SORCS2: variants seen among roughly 807,000 people sequenced by gnomAD.
The protein encoded by SORCS2 is sortilin related VPS10 domain containing receptor 2.
In SORCS2, 100 loss-of-function variants were observed where a neutral mutation model predicts 141.6. The ratio of observed to expected loss-of-function variants is 0.71; its 90% confidence interval spans 0.60 to 0.83. The LOEUF (loss-of-function observed/expected upper bound fraction) is 0.83. SORCS2 is among the 40% of genes least tolerant of loss of function. The probability of loss-of-function intolerance (pLI) is 0.00; values close to 1 mark genes in which losing one functional copy is unlikely to be tolerated. For missense variants in SORCS2, 1,646 were observed against 1,560.2 expected, an observed-to-expected ratio of 1.05 and a Z score of -0.93; for synonymous variants, 789 against 676.9, an observed-to-expected ratio of 1.17 and a Z score of -2.57.
intron 3 of SORCS2, among the ~76,000 whole-genome samples, chr4:7,544,001 C>CATCT (rs1713036240): frequency 2.7e-5 from 4 of 149,392 alleles, no homozygotes; most frequent in African/African-American, 1.0e-4. Context: ...TCCACTCATC[C>CATCT]ATCCATCCAT....
At chr4:7,455,637 C>T (rs1437972817) in intron 2 of SORCS2, among the ~76,000 whole-genome samples, 31 of 82,366 alleles carry the variant, frequency 3.8e-4, no homozygotes, top group Admixed American at 5.4e-4. Context: ...GGTCAGGCGC[C>T]GTGTTGGGGT....
At chr4:7,308,192 C>T (rs577656736) in intron 1 of SORCS2, among the ~76,000 whole-genome samples, 1 of 152,140 alleles carries the variant, frequency 6.6e-6, no homozygotes, top group Non-Finnish European at 1.5e-5. Context: ...CAGGCCGAGT[C>T]CCTGCGTGAA....
chr4:7,650,442 A>G (rs1721362198), intron 4 of SORCS2, among the ~76,000 whole-genome samples: 1 of 152,210 alleles, frequency 6.6e-6, no homozygotes, highest in African/African-American at 2.4e-5. Context: ...GCGGGAGGCC[A>G]GATTCCCATT....
intron 12 of SORCS2, among the ~76,000 whole-genome samples, chr4:7,701,060 C>A (rs1233467552): frequency 1.3e-5 from 2 of 152,210 alleles, no homozygotes; most frequent in Non-Finnish European, 2.9e-5. Context: ...TCCTGCAAGT[C>A]CCTGATGGGC....
At chr4:7,304,452 C>G (rs571803050) in intron 1 of SORCS2, among the ~76,000 whole-genome samples, 1 of 152,202 alleles carries the variant, frequency 6.6e-6, no homozygotes, top group Non-Finnish European at 1.5e-5. Flanking sequence ...GGAGAAGAGG[C>G]GGATGCGGGT....
chr4:7,517,938 A>G (rs16840435), intron 2 of SORCS2, among the ~76,000 whole-genome samples: 1,934 of 152,356 alleles, frequency 0.013, 32 homozygotes, highest in African/African-American at 0.044. Context: ...TGACCTGTCA[A>G]TAATGCCACA....
intron 18 of SORCS2, among the ~76,000 whole-genome samples, chr4:7,718,489 G>A (rs1252703201): frequency 1.3e-5 from 2 of 152,202 alleles, no homozygotes; most frequent in Non-Finnish European, 2.9e-5. Context: ...TGTAGTTACT[G>A]GCCTTGGTAT....
intron 2 of SORCS2, among the ~76,000 whole-genome samples, chr4:7,516,646 C>T (rs937941748): frequency 4.6e-5 from 7 of 152,232 alleles, no homozygotes; most frequent in Middle Eastern, 3.4e-3. Context: ...CGGGGCTGCA[C>T]GGAGTCTGGG....
chr4:7,364,028 CACCATT>C (rs1427876754), intron 1 of SORCS2, among the ~76,000 whole-genome samples: 1 of 146,310 alleles, frequency 6.8e-6, no homozygotes, highest in Non-Finnish European at 1.5e-5. Flanking sequence ...TGTGGTGTAT[CACCATT>C]ACCATCACCG....
chr4:7,652,540 C>T (rs1187745349), intron 4 of SORCS2, among the ~76,000 whole-genome samples: 1 of 152,124 alleles, frequency 6.6e-6, no homozygotes, highest in African/African-American at 2.4e-5. Flanking sequence ...GAGTGGGCTC[C>T]CTGAGTATCC....
chr4:7,724,938 G>A (rs1398879999), intron 19 of SORCS2, among the ~76,000 whole-genome samples: 3 of 69,728 alleles, frequency 4.3e-5, no homozygotes, highest in Admixed American at 1.6e-4. Context: ...GGTAGTAGTG[G>A]TGATGGTGGT....
chr4:7,208,985 C>T (rs962441887), intron 1 of SORCS2, among the ~76,000 whole-genome samples: 3 of 152,206 alleles, frequency 2.0e-5, no homozygotes, highest in Non-Finnish European at 4.4e-5. Flanking sequence ...CCCCTGCCTG[C>T]GTCCCTCACC....
At chr4:7,685,637 C>G (rs572624791) in intron 10 of SORCS2, among the ~76,000 whole-genome samples, 16 of 152,040 alleles carry the variant, frequency 1.1e-4, no homozygotes, top group African/African-American at 3.6e-4. Context: ...TGCCACTGCA[C>G]TCTAGCCTGG....
chr4:7,376,926 GCCCCAGTGCACA>G (rs1722694636), intron 1 of SORCS2, among the ~76,000 whole-genome samples: 1 of 148,220 alleles, frequency 6.7e-6, no homozygotes, highest in African/African-American at 2.5e-5. Flanking sequence ...GGATGTTCCA[GCCCCAGTGCACA>G]AACCCTGGCC....
At chr4:7,290,715 T>C (rs1375627007) in intron 1 of SORCS2, among the ~76,000 whole-genome samples, 1 of 152,128 alleles carries the variant, frequency 6.6e-6, no homozygotes, top group Non-Finnish European at 1.5e-5. Context: ...CGTGCAGATG[T>C]GTGTATGTGT....
At chr4:7,649,087 C>T (rs145174658) in intron 4 of SORCS2, among the ~76,000 whole-genome samples, 101 of 152,312 alleles carry the variant, frequency 6.6e-4, no homozygotes, top group Admixed American at 6.5e-4. Context: ...AGGGCTCTAA[C>T]CCTGGCTTTG....
At chr4:7,342,044 T>C (rs1720397828) in intron 1 of SORCS2, among the ~76,000 whole-genome samples, 1 of 152,252 alleles carries the variant, frequency 6.6e-6, no homozygotes, top group South Asian at 2.1e-4. Flanking sequence ...TCCTTTTTCA[T>C]GGCTGAGTAA....
chr4:7,453,812 G>A (rs1295408891), intron 2 of SORCS2, among the ~76,000 whole-genome samples: 3 of 127,734 alleles, frequency 2.3e-5, no homozygotes, highest in Non-Finnish European at 4.9e-5. Context: ...GTTAGGGTCA[G>A]GTGCTGTGTT....
chr4:7,234,631 C>T (rs370942316), intron 1 of SORCS2, among the ~76,000 whole-genome samples: 17 of 152,316 alleles, frequency 1.1e-4, no homozygotes, highest in African/African-American at 3.8e-4. Context: ...CAGGTCTAGG[C>T]GGCCTCCCTG....
Sources: allele counts gnomAD v4.1 joint callset (sites outside exome capture counted in the v4.1 genomes callset), GRCh38; gene constraint gnomAD v4.1.1; transcripts MANE v1.5; gene names NCBI Gene and HGNC (gene_info 2026-07-23, HGNC 2026-07-21).